Variants in LYPLAL1 observed in about 807,000 individuals in gnomAD.
The protein encoded by LYPLAL1 is lysophospholipase-like protein 1.
A neutral mutation model predicts 19.7 loss-of-function variants in LYPLAL1; 23 were observed. The ratio of observed to expected loss-of-function variants is 1.17; its 90% CI spans 0.84 to 1.65. The LOEUF (loss-of-function observed/expected upper bound fraction) is 1.65, where lower values mean the gene tolerates loss of function less well. Ranked by LOEUF, LYPLAL1 falls within the 40% of genes most tolerant of loss-of-function variation. LYPLAL1 has a pLI of 0.00. For missense variants in LYPLAL1, 355 were observed against 279.4 expected (o/e 1.27, Z -1.93); for synonymous variants, 119 against 96.3 (o/e 1.24, Z -1.38).
At chr1:219,207,186 C>G (rs189183854) in intron 3 of LYPLAL1, among the ~76,000 whole-genome samples, 27 of 143,392 alleles carry the variant, frequency 1.9e-4, no homozygotes, top group African/African-American at 6.9e-4. Flanking sequence ...GCTCCTGCAG[C>G]CTTGTTATCT....
At chr1:219,423,158 G>T in the LYPLAL1 span, among the ~76,000 whole-genome samples, 1 of 152,096 alleles carries the variant, frequency 6.6e-6, no homozygotes, top group African/African-American at 2.4e-5. Flanking sequence ...CTTACTTCTA[G>T]CAGCCACATG....
chr1:219,213,786 T>G (rs1659189884), downstream of LYPLAL1, among the ~76,000 whole-genome samples: 1 of 151,958 alleles, frequency 6.6e-6, no homozygotes, highest in Non-Finnish European at 1.5e-5. Flanking sequence ...ATTTTAGGAG[T>G]TTTTCTGTAG....
chr1:219,257,398 G>T, the LYPLAL1 span, among the ~76,000 whole-genome samples: 1 of 148,530 alleles, frequency 6.7e-6, no homozygotes, highest in African/African-American at 2.5e-5. Flanking sequence ...ATAGTATTGG[G>T]GGAACCAGCC....
chr1:219,253,181 T>A, the LYPLAL1 span, among the ~76,000 whole-genome samples: 3 of 152,006 alleles, frequency 2.0e-5, no homozygotes, highest in Non-Finnish European at 4.4e-5. Flanking sequence ...CTCTATTATC[T>A]TTTTTAATAG....
the LYPLAL1 span, among the ~76,000 whole-genome samples, chr1:219,299,144 T>C: frequency 8.2e-6 from 1 of 121,696 alleles, no homozygotes; most frequent in East Asian, 2.0e-4. Context: ...CCCCAGCTTT[T>C]TTTTTTTTTT....
the LYPLAL1 span, among the ~76,000 whole-genome samples, chr1:219,323,568 C>G: frequency 3.9e-5 from 6 of 152,320 alleles, no homozygotes; most frequent in East Asian, 1.2e-3. Flanking sequence ...TGTGAGCTCT[C>G]TCCTTTGAAG....
downstream of LYPLAL1, among the ~76,000 whole-genome samples, chr1:219,217,026 T>C (rs1014237989): frequency 6.6e-6 from 1 of 152,158 alleles, no homozygotes; most frequent in African/African-American, 2.4e-5. Context: ...TCTTCCTTCC[T>C]CTAAGACTGA....
the LYPLAL1 span, among the ~76,000 whole-genome samples, chr1:219,318,877 G>A: frequency 1.3e-5 from 2 of 152,176 alleles, no homozygotes; most frequent in African/African-American, 4.8e-5. Context: ...GGCTGACGGG[G>A]CTTGTCCAAG....
the LYPLAL1 span, among the ~76,000 whole-genome samples, chr1:219,301,445 G>T: frequency 6.6e-6 from 1 of 152,030 alleles, no homozygotes; most frequent in Non-Finnish European, 1.5e-5. Context: ...TAGAATAAAA[G>T]GAATTTGTGA....
At chr1:219,273,982 G>A in the LYPLAL1 span, among the ~76,000 whole-genome samples, 51 of 152,206 alleles carry the variant, frequency 3.4e-4, no homozygotes, top group African/African-American at 1.2e-3. Flanking sequence ...GGCTTGTCTC[G>A]AACTCCTGAC....
chr1:219,343,741 A>G, the LYPLAL1 span, among the ~76,000 whole-genome samples: 8 of 152,210 alleles, frequency 5.3e-5, 1 homozygote, highest in South Asian at 1.5e-3. Flanking sequence ...TGTGGCACTC[A>G]TGTCATCATT....
the LYPLAL1 span, among the ~76,000 whole-genome samples, chr1:219,359,186 C>T: frequency 6.6e-6 from 1 of 152,112 alleles, no homozygotes; most frequent in Admixed American, 6.6e-5. Context: ...GCTGACCTAC[C>T]ATTTACATTT....
At chr1:219,242,397 C>T in the LYPLAL1 span, among the ~76,000 whole-genome samples, 19 of 152,280 alleles carry the variant, frequency 1.2e-4, no homozygotes, top group African/African-American at 4.6e-4. Flanking sequence ...TAGCAGAGAA[C>T]AGGCCAGGGG....
the LYPLAL1 span, among the ~76,000 whole-genome samples, chr1:219,258,885 A>G: frequency 2.0e-5 from 3 of 152,130 alleles, no homozygotes; most frequent in African/African-American, 7.2e-5. Flanking sequence ...ACAAAGGACT[A>G]ATATTCAGAA....
the LYPLAL1 span, among the ~76,000 whole-genome samples, chr1:219,280,395 CAA>C: frequency 6.6e-6 from 1 of 152,256 alleles, no homozygotes; most frequent in South Asian, 2.1e-4. Flanking sequence ...CTCATTTAGA[CAA>C]CTGGATATCT....
chr1:219,236,608 C>T, the LYPLAL1 span, among the ~76,000 whole-genome samples: 1 of 152,156 alleles, frequency 6.6e-6, no homozygotes, highest in Admixed American at 6.5e-5. Flanking sequence ...ATCCTAGAAA[C>T]AATATTTTCA....
At chr1:219,353,487 A>G in the LYPLAL1 span, among the ~76,000 whole-genome samples, 6 of 152,336 alleles carry the variant, frequency 3.9e-5, no homozygotes, top group South Asian at 2.1e-4. Flanking sequence ...GCTTTCACCA[A>G]CTGGAATGTA....
intron 3 of LYPLAL1, 163 bp from the exon 4 acceptor site, chr1:219,210,369 G>A (rs1572216055): frequency 2.2e-6 from 1 of 464,660 alleles, no homozygotes; most frequent in East Asian, 3.6e-5. Flanking sequence ...GGTTATTTAT[G>A]TTATCGCAGG....
chr1:219,282,491 C>T, the LYPLAL1 span, among the ~76,000 whole-genome samples: 3 of 140,912 alleles, frequency 2.1e-5, no homozygotes, highest in Non-Finnish European at 4.6e-5. Context: ...CAATGGAGCA[C>T]CTAGCACAAT....
Sources: allele counts gnomAD v4.1 joint callset (sites outside exome capture counted in the v4.1 genomes callset), GRCh38; gene constraint gnomAD v4.1.1; transcripts MANE v1.5; gene names NCBI Gene and HGNC (gene_info 2026-07-23, HGNC 2026-07-21).